FAM107B: variants seen among roughly 807,000 people sequenced by gnomAD.
FAM107B encodes the protein family with sequence similarity 107 member B.
FAM107B carries 21 observed loss-of-function variants against 31.5 expected under a neutral mutation model. That is an observed-to-expected ratio of 0.67 (90% CI 0.47 to 0.96). The LOEUF (loss-of-function observed/expected upper bound fraction) is 0.96. Among genes scored for constraint, FAM107B ranks in the 40% least tolerant of loss-of-function variants. FAM107B has a pLI of 0.00. For missense variants in FAM107B, 452 were observed against 377.1 expected, an observed-to-expected ratio of 1.20 and a Z score of -1.64; for synonymous variants, 157 against 141.5, an observed-to-expected ratio of 1.11 and a Z score of -0.78.
chr10:14,561,198 T>C (rs191364727), intron 2 of FAM107B, among the ~76,000 whole-genome samples: 26 of 152,330 alleles, frequency 1.7e-4, no homozygotes, highest in Admixed American at 8.5e-4. Flanking sequence ...CAGGCACTGT[T>C]CACAACAACA....
At chr10:14,536,648 T>C (rs1197958787) in intron 2 of FAM107B, among the ~76,000 whole-genome samples, 2 of 152,180 alleles carry the variant, frequency 1.3e-5, no homozygotes, top group Non-Finnish European at 2.9e-5. Flanking sequence ...ATTTCCATCT[T>C]AGACCAGGCA....
chr10:14,552,876 C>G (rs1295294859), intron 2 of FAM107B, among the ~76,000 whole-genome samples: 1 of 152,078 alleles, frequency 6.6e-6, no homozygotes, highest in Non-Finnish European at 1.5e-5. Flanking sequence ...ACCCACTAAA[C>G]TAATTTTATG....
At chr10:14,554,016 G>T in intron 2 of FAM107B, 1 of 771,418 alleles carries the variant, frequency 1.3e-6, no homozygotes, top group Non-Finnish European at 1.6e-6. Flanking sequence ...CAGGCTTGCT[G>T]CAAGGTTTGC....
At chr10:14,553,482 A>G in intron 2 of FAM107B, 1 of 623,670 alleles carries the variant, frequency 1.6e-6, no homozygotes, top group East Asian at 6.9e-5. Flanking sequence ...GCTGAACAAA[A>G]TTCCACACCC....
chr10:14,575,763 T>C (rs1245525255), intron 2 of FAM107B, among the ~76,000 whole-genome samples: 1 of 152,152 alleles, frequency 6.6e-6, no homozygotes, highest in African/African-American at 2.4e-5. Context: ...AAATACCCCA[T>C]ATGGGCACAC....
At chr10:14,630,201 A>C (rs758842905) in intron 2 of FAM107B, among the ~76,000 whole-genome samples, 7 of 151,502 alleles carry the variant, frequency 4.6e-5, no homozygotes, top group Non-Finnish European at 1.0e-4. Flanking sequence ...TTTCACCTAA[A>C]GTAAGCACTT....
chr10:14,596,758 G>A (rs557921455), intron 2 of FAM107B, among the ~76,000 whole-genome samples: 12 of 152,118 alleles, frequency 7.9e-5, no homozygotes, highest in Admixed American at 5.9e-4. Context: ...TTGCACACCC[G>A]ACGCCCTGCC....
At chr10:14,536,641 T>A (rs182441482) in intron 2 of FAM107B, among the ~76,000 whole-genome samples, 156 of 152,274 alleles carry the variant, frequency 1.0e-3, no homozygotes, top group African/African-American at 3.6e-3. Flanking sequence ...CCTAAAAATT[T>A]CCATCTTAGA....
chr10:14,774,334 C>T lies in FAM107B; in HGVS notation c.330G>A (p.Gly110=), dbSNP rs779584652. 14 of 1,614,118 alleles carry T rather than the reference C, an allele frequency of 8.7e-6. No homozygotes were observed. Among genetic ancestry groups the T allele is most frequent in the Non-Finnish European group, 1.2e-5 (14 of 1,180,048 alleles). ...QPAETPEDVP[G]SLDDGADCEA... ...CACAGTCCGCCCCATCATCCAGGGA[C>T]CCGGGCACATCTTCAGGCGTCTCCG... Residue 110 remains glycine, a synonymous_variant, in exon 1 of 5, where the codon GGG becomes GGA. Coordinates refer to ENST00000181796, the MANE Select transcript of FAM107B (RefSeq NM_031453.4).
chr10:14,659,885 A>T (rs879432787), intron 2 of FAM107B, among the ~76,000 whole-genome samples: 4 of 152,212 alleles, frequency 2.6e-5, no homozygotes, highest in African/African-American at 9.7e-5. Context: ...TCACTTCCCC[A>T]CAGAAGTTAC....
chr10:14,643,872 T>C (rs1296776773), intron 2 of FAM107B, among the ~76,000 whole-genome samples: 1 of 152,170 alleles, frequency 6.6e-6, no homozygotes, highest in Non-Finnish European at 1.5e-5. Flanking sequence ...AGGTATATGA[T>C]TTTAGTACTC....
At chr10:14,592,285 C>A (rs1293819331) in intron 2 of FAM107B, among the ~76,000 whole-genome samples, 1 of 152,214 alleles carries the variant, frequency 6.6e-6, no homozygotes, top group African/African-American at 2.4e-5. Context: ...AAGGAAGAGG[C>A]AGTTCCTGGG....
intron 2 of FAM107B, among the ~76,000 whole-genome samples, chr10:14,663,984 C>T (rs927278717): frequency 6.6e-6 from 1 of 151,506 alleles, no homozygotes; most frequent in African/African-American, 2.4e-5. Context: ...TATAAACACC[C>T]TGGCTGACGT....
chr10:14,734,523 AGT>A (rs2131563938), intron 1 of FAM107B, among the ~76,000 whole-genome samples: 1 of 138,988 alleles, frequency 7.2e-6, no homozygotes, highest in East Asian at 2.2e-4. Flanking sequence ...AGCTATCGTT[AGT>A]GTTAGTGTAT....
intron 1 of FAM107B, among the ~76,000 whole-genome samples, chr10:14,672,568 G>C (rs1460304975): frequency 1.3e-5 from 2 of 152,176 alleles, no homozygotes; most frequent in Admixed American, 6.5e-5. Context: ...TAAAAAGATA[G>C]TTTATAACCT....
At chr10:14,771,805 T>C (rs1312376762) in intron 1 of FAM107B, among the ~76,000 whole-genome samples, 1 of 152,216 alleles carries the variant, frequency 6.6e-6, no homozygotes, top group Non-Finnish European at 1.5e-5. Flanking sequence ...CATGAGCCAC[T>C]ATGCCCAGCC....
At position 14,750,439 on chromosome 10, in the gene FAM107B, C is replaced by T. The variant is rs530826603; in HGVS notation, c.411+23814G>A. Among the ~76,000 whole-genome samples the T allele has an allele frequency of 2.6e-5, 4 of 152,250 alleles. No homozygotes were observed. In the South Asian group the frequency reaches 8.3e-4, roughly 32 times the overall value. On this transcript the variant is annotated intron_variant, in intron 1 of 4. Coordinates refer to ENST00000181796, the MANE Select transcript of FAM107B (RefSeq NM_031453.4). ...CCAGCCTGGCCAACATGGTGAAACC[C>T]TGTCTCTATTAAAAATACAAAAATT...
chr10:14,632,820 G>A (rs1853401698), intron 2 of FAM107B, among the ~76,000 whole-genome samples: 1 of 152,070 alleles, frequency 6.6e-6, no homozygotes, highest in African/African-American at 2.4e-5. Flanking sequence ...GAGACAGGGG[G>A]TACAGGGCAA....
At chr10:14,648,783 A>T (rs1209560888) in intron 2 of FAM107B, among the ~76,000 whole-genome samples, 1 of 152,182 alleles carries the variant, frequency 6.6e-6, no homozygotes, top group African/African-American at 2.4e-5. Flanking sequence ...TACTTTCCAC[A>T]CCATTCTCCA....
Sources: gnomAD v4.1 joint callset for allele counts (sites outside exome capture counted in the v4.1 genomes callset) on GRCh38, gnomAD v4.1.1 for gene constraint, MANE v1.5 for transcripts, NCBI Gene and HGNC (gene_info 2026-07-23, HGNC 2026-07-21) for gene names.